The following TXN variants were observed in gnomAD, a reference collection of about 807,000 sequenced individuals.
TXN encodes the protein ADF.
In TXN, 10 loss-of-function variants were observed where a neutral mutation model predicts 16.5. The observed-to-expected ratio is 0.61, with a 90% CI of 0.37 to 1.03. The LOEUF (loss-of-function observed/expected upper bound fraction) is 1.03. Ranked by LOEUF, TXN falls within the 50% of genes least tolerant of loss-of-function variation. The pLI, the probability that TXN is intolerant of heterozygous loss-of-function variation, is 0.01. For missense variants in TXN, 71 were observed against 122.5 expected (o/e 0.58, Z 1.98); for synonymous variants, 35 against 39.4 (o/e 0.89, Z 0.42).
intron 3 of TXN, among the ~76,000 whole-genome samples, chr9:110,250,008 C>A (rs1837708332): frequency 6.6e-6 from 1 of 152,134 alleles, no homozygotes; most frequent in Non-Finnish European, 1.5e-5. Flanking sequence ...CCTCCTCAAC[C>A]CGCTCTCCTA....
At chr9:110,254,628 C>T (rs1431514218) in intron 1 of TXN, among the ~76,000 whole-genome samples, 1 of 152,224 alleles carries the variant, frequency 6.6e-6, no homozygotes, top group African/African-American at 2.4e-5. Context: ...CCTTTGGGCC[C>T]CAGGCTGTAG....
At chr9:110,249,175 A>T (rs1837696172) in intron 3 of TXN, among the ~76,000 whole-genome samples, 1 of 145,346 alleles carries the variant, frequency 6.9e-6, no homozygotes, top group South Asian at 2.3e-4. Flanking sequence ...TTGCTATCTG[A>T]TAGGATCAGT....
intron 1 of TXN, among the ~76,000 whole-genome samples, chr9:110,254,771 T>C (rs1362246000): frequency 6.6e-6 from 1 of 152,152 alleles, no homozygotes; most frequent in Non-Finnish European, 1.5e-5. Flanking sequence ...TTGTTTGTAG[T>C]GTCTGGATTT....
Position 110,256,318 on chromosome 9 carries a change from C to T in TXN, c.24+94G>A. The T allele has an allele frequency of 7.3e-7, 1 of 1,370,926 alleles. No homozygotes were observed. Among genetic ancestry groups the T allele is most frequent in the Non-Finnish European group, 1.0e-6 (1 of 993,848 alleles). The allele number at this position is 1,370,926 out of a possible 1,614,324, so 84.9% of individuals were successfully genotyped here. ...TGCGGAGGGGCGGCCTCCGCACCTC[C>T]CGCCACCGCCTTCCCCACCTCCCGC... On this transcript the variant is annotated intron_variant, in intron 1 of 4. Transcript: ENST00000374517. The surrounding 1 kb of genome is among the most constrained non-coding windows in gnomAD (Gnocchi z 4.2).
At chr9:110,245,618 CTATATATATATAT>C (rs1837639775) in intron 3 of TXN, among the ~76,000 whole-genome samples, 3 of 30,890 alleles carry the variant, frequency 9.7e-5, no homozygotes, top group Non-Finnish European at 1.5e-4. Flanking sequence ...CACACACACA[CTATATATATATAT>C]ATATATATAT....
At position 110,250,813 on chromosome 9, in the gene TXN, T is replaced by C; in HGVS notation, c.189+7A>G. ...CTCAGCAGTATCTCATATTTCCAGC[T>C]ACATACCTGACAGTCATCCACATCT... On this transcript the variant is annotated splice_region_variant and intron_variant, in intron 3 of 4. Transcript: ENST00000374517. 2 of 1,606,548 alleles carry C rather than the reference T, an allele frequency of 1.2e-6. No individual in the cohort carries two copies. The highest frequency in any genetic ancestry group is 1.7e-6 in the Non-Finnish European group (2 of 1,175,296).
chr9:110,253,758 CT>C (rs1837770670), intron 1 of TXN, among the ~76,000 whole-genome samples: 1 of 152,230 alleles, frequency 6.6e-6, no homozygotes, highest in African/African-American at 2.4e-5. Context: ...TACAAATTCT[CT>C]TCTGATACTT....
At chr9:110,245,432 G>T (rs1564367230) in intron 3 of TXN, among the ~76,000 whole-genome samples, 1 of 150,222 alleles carries the variant, frequency 6.7e-6, no homozygotes, top group African/African-American at 2.5e-5. Context: ...TTGAGACAGG[G>T]TCTGGCTGTG....
At chr9:110,252,794 G>T (rs530849799) in intron 1 of TXN, among the ~76,000 whole-genome samples, 9 of 152,170 alleles carry the variant, frequency 5.9e-5, no homozygotes, top group East Asian at 1.9e-4. Flanking sequence ...ACAAGCCTCT[G>T]CCACCAGTCC....
At chr9:110,254,271 A>G (rs1837778165) in intron 1 of TXN, among the ~76,000 whole-genome samples, 1 of 152,248 alleles carries the variant, frequency 6.6e-6, no homozygotes, top group African/African-American at 2.4e-5. Flanking sequence ...CTGTAATCCT[A>G]GCACTTTGGG....
chr9:110,244,285 G>A (rs1160526552), intron 4 of TXN, 66 bp from the exon 5 acceptor site: 5 of 456,048 alleles, frequency 1.1e-5, no homozygotes, highest in Non-Finnish European at 1.7e-5. Context: ...CATAAAATAT[G>A]TATAAATATG....
chr9:110,254,304 T>C (rs555017797), intron 1 of TXN, among the ~76,000 whole-genome samples: 10 of 152,346 alleles, frequency 6.6e-5, no homozygotes, highest in Admixed American at 2.0e-4. Flanking sequence ...GTGGATCACC[T>C]GAAGTCAGGA....
intron 3 of TXN, among the ~76,000 whole-genome samples, chr9:110,247,351 G>A (rs1837673013): frequency 6.6e-6 from 1 of 151,342 alleles, no homozygotes; most frequent in Admixed American, 6.6e-5. Flanking sequence ...GATACATTCA[G>A]GGTGATCAGG....
intron 1 of TXN, among the ~76,000 whole-genome samples, chr9:110,251,992 G>A (rs994103700): frequency 4.6e-5 from 7 of 151,992 alleles, no homozygotes; most frequent in African/African-American, 1.2e-4. Context: ...TTGGGAGGCC[G>A]AGGTGGGCGG....
In TXN at chr9:110,256,284, C is replaced by T; in HGVS notation, c.24+128G>A. ...CAGGCCGAGACGCCGCGTCCCTTTC[C>T]CCTGGCGATGCGGAGGGGCGGCCTC... On this transcript the variant is annotated intron_variant, in intron 1 of 4. Coordinates refer to ENST00000374517, the MANE Select transcript of TXN (RefSeq NM_003329.4). The surrounding 1 kb of genome is among the most constrained non-coding windows in gnomAD (Gnocchi z 4.2). 1 of 1,055,492 alleles carries T rather than the reference C, an allele frequency of 9.5e-7. No individual in the cohort carries two copies. The highest frequency in any genetic ancestry group is 1.4e-6 in the Non-Finnish European group (1 of 714,902). The allele number at this position is 1,055,492 out of a possible 1,614,324, so 65.4% of individuals were successfully genotyped here. A position where few individuals can be genotyped will look rare whatever the true frequency, so the allele number is the denominator to read the frequency against.
intron 3 of TXN, among the ~76,000 whole-genome samples, chr9:110,250,045 G>A (rs538196164): frequency 1.3e-3 from 201 of 151,310 alleles, no homozygotes; most frequent in African/African-American, 4.6e-3. Context: ...CTAAGCACCC[G>A]ATCTACACCC....
chr9:110,244,774 G>A lies in TXN; in HGVS notation c.255+4C>T, dbSNP rs775605054. On this transcript the variant is annotated splice_donor_region_variant and intron_variant, in intron 4 of 4. Coordinates refer to ENST00000374517, the MANE Select transcript of TXN (RefSeq NM_003329.4). ...TTAGAGTTTTAAAGGTCAGATGTAC[G>A]TACCTTTTGTCCCTTCTTAAAAAAC... The A allele has an allele frequency of 8.1e-6, 13 of 1,610,018 alleles. No individual in the cohort carries two copies. Among genetic ancestry groups the A allele is most frequent in the Admixed American group, 1.7e-5 (1 of 59,934 alleles).
intron 3 of TXN, 114 bp from the exon 4 acceptor site, chr9:110,244,957 G>T: frequency 5.8e-6 from 4 of 688,292 alleles, no homozygotes; most frequent in Admixed American, 4.7e-5. Flanking sequence ...CCACATTTCC[G>T]CATGAGGACA....
intron 1 of TXN, among the ~76,000 whole-genome samples, chr9:110,255,396 TTAGGC>T (rs1837796374): frequency 6.6e-6 from 1 of 152,248 alleles, no homozygotes; most frequent in African/African-American, 2.4e-5. Context: ...CTACAAGGTT[TTAGGC>T]TTGCAATAAC....
Sources: gnomAD v4.1 joint callset for allele counts (sites outside exome capture counted in the v4.1 genomes callset) on GRCh38, gnomAD v4.1.1 for gene constraint, Gnocchi (gnomAD v3.1) non-coding constraint, MANE v1.5 for transcripts, NCBI Gene and HGNC (gene_info 2026-07-23, HGNC 2026-07-21) for gene names.